The following MMP12 variants were observed in gnomAD, a reference collection of about 807,000 sequenced individuals.
The protein encoded by MMP12 is macrophage metalloelastase.
In MMP12, 51 loss-of-function variants were observed where a neutral mutation model predicts 45.2. The ratio of observed to expected loss-of-function variants is 1.13; its 90% CI spans 0.90 to 1.42. The LOEUF (loss-of-function observed/expected upper bound fraction) is 1.42, where lower values mean the gene tolerates loss of function less well. MMP12 is among the 40% of genes most tolerant of loss of function. The pLI, the probability that MMP12 is intolerant of heterozygous loss-of-function variation, is 0.00. For synonymous variants in MMP12, 210 were observed against 193.3 expected (o/e 1.09, Z -0.72); for missense variants, 530 against 570.8 (o/e 0.93, Z 0.73).
chr11:102,864,669 A>G (rs1307072491), intron 8 of MMP12, among the ~76,000 whole-genome samples: 2 of 152,218 alleles, frequency 1.3e-5, no homozygotes, highest in African/African-American at 4.8e-5. Context: ...CAGGGAACCA[A>G]AGGGTTTTAT....
chr11:102,871,314 A>T (rs1173124997), intron 4 of MMP12, among the ~76,000 whole-genome samples: 1 of 152,122 alleles, frequency 6.6e-6, no homozygotes, highest in Non-Finnish European at 1.5e-5. Context: ...ATGCTAATGA[A>T]CTAGCTCATA....
chr11:102,871,613 G>T lies in MMP12; in HGVS notation c.606C>A (p.Phe202Leu), dbSNP rs782284970. ...GCCCACCTCCTGAATGTGTAGTCCA[G>T]AATTCGTCCTCATCGAAATGTGCAT... is the stretch of plus-strand genomic sequence containing the variant. ...GGDAHFDEDE[F>L]WTTHSGGTNL... The change falls in exon 4 of 10, where the codon TTC becomes TTA. Residue 202 changes from phenylalanine to leucine, a missense_variant. Physicochemically the swap from Phe to Leu is conservative, Grantham distance 22. Coordinates refer to ENST00000571244, the MANE Select transcript of MMP12 (RefSeq NM_002426.6). 1.9e-6 allele frequency: 3 copies of T among 1,556,274 alleles called. No individual in the cohort carries two copies. In the South Asian group the frequency reaches 3.6e-5, roughly 18 times the overall value.
chr11:102,872,859 C>A lies in MMP12; in HGVS notation c.350+6G>T. ...AAAAATACAGGGCGACATACACCAA[C>A]GTTACCTGTAGGTGATATAATGTTT... On this transcript the variant is annotated splice_donor_region_variant and intron_variant, in intron 2 of 9. Transcript: ENST00000571244. 1 of 1,613,410 alleles carries A rather than the reference C, an allele frequency of 6.2e-7. No individual in the cohort carries two copies.
At chr11:102,867,219 A>G in intron 6 of MMP12, 51 bp downstream of exon 6, 1 of 1,471,540 alleles carries the variant, frequency 6.8e-7, no homozygotes, top group African/African-American at 1.4e-5. Context: ...CTGACAAAAA[A>G]AATTTAAAGG....
rs1859503040 is a variant in MMP12, at chr11:102,871,841, T to G, written c.462A>C (p.Thr154=). Reference sequence around the variant, plus strand: ...AAACCACCAAAATGTCAGCCATGCCTGTGTTAATCTTGCTGAATTTCAAGG... The same window carrying G: ...AAACCACCAAAATGTCAGCCATGCCGGTGTTAATCTTGCTGAATTTCAAGG... ...VTPLKFSKIN[T]GMADILVVFA... Residue 154 remains threonine (T), a synonymous_variant, in exon 3 of 10, where the codon ACA becomes ACC. Coordinates refer to ENST00000571244, the MANE Select transcript of MMP12 (RefSeq NM_002426.6). 20 of 1,613,294 alleles carry G rather than the reference T, an allele frequency of 1.2e-5. No homozygotes were observed. The highest frequency in any genetic ancestry group is 1.7e-5 in the Non-Finnish European group (20 of 1,179,678).
intron 7 of MMP12, among the ~76,000 whole-genome samples, 181 bp from the exon 8 acceptor site, chr11:102,866,116 G>C (rs1859382559): frequency 6.6e-6 from 1 of 151,280 alleles, no homozygotes; most frequent in African/African-American, 2.4e-5. Context: ...TTACTATTTT[G>C]TAGTTTACAA....
intron 6 of MMP12, 85 bp from the exon 7 acceptor site, chr11:102,866,533 G>C (rs879947057): frequency 2.2e-6 from 3 of 1,390,206 alleles, no homozygotes; most frequent in African/African-American, 2.9e-5. Context: ...ACTGTGAAAA[G>C]ACCCAATATT....
At chr11:102,863,256 A>C (rs1859325116) in intron 9 of MMP12, 56 bp from the exon 10 acceptor site, 1 of 952,170 alleles carries the variant, frequency 1.1e-6, no homozygotes, top group Non-Finnish European at 1.7e-6. Flanking sequence ...TCTTTACAAC[A>C]ACAACAACAA....
At chr11:102,868,194 T>C (rs782185552) in intron 4 of MMP12, 125 bp from the exon 5 acceptor site, 5 of 880,218 alleles carry the variant, frequency 5.7e-6, no homozygotes, top group African/African-American at 5.1e-5. Context: ...CCCTTTTGAG[T>C]TGGGTTTCTC....
intron 1 of MMP12, among the ~76,000 whole-genome samples, chr11:102,874,086 GT>G (rs1410177689): frequency 6.6e-6 from 1 of 150,382 alleles, no homozygotes; most frequent in Non-Finnish European, 1.5e-5. Flanking sequence ...AATTATTAAT[GT>G]TATTAATATA....
chr11:102,864,421 G>T (rs1859349426), intron 8 of MMP12, among the ~76,000 whole-genome samples, 169 bp from the exon 9 acceptor site: 1 of 152,102 alleles, frequency 6.6e-6, no homozygotes, highest in South Asian at 2.1e-4. Flanking sequence ...GTCCCTATAG[G>T]ACTCAAACCT....
intron 8 of MMP12, among the ~76,000 whole-genome samples, chr11:102,864,796 CTA>C (rs1859356600): frequency 6.6e-6 from 1 of 152,196 alleles, no homozygotes; most frequent in African/African-American, 2.4e-5. Context: ...TTGTGTCTCT[CTA>C]GACTTCCAAG....
Position 102,867,905 on chromosome 11 carries a change from C to T in MMP12, c.787+3G>A. The stretch of plus-strand genomic sequence containing the variant: ...TGGCAAAATGATAAAGAATTCAACT[C>T]ACCATACAGGGACTGAATGCCACGT... On this transcript the variant is annotated splice_donor_region_variant and intron_variant, in intron 5 of 9. Coordinates refer to ENST00000571244, the MANE Select transcript of MMP12 (RefSeq NM_002426.6). 1 of 1,606,618 alleles carries T rather than the reference C, an allele frequency of 6.2e-7. No homozygotes were observed. Among genetic ancestry groups the T allele is most frequent in the Non-Finnish European group, 8.5e-7 (1 of 1,176,526 alleles).
At chr11:102,864,676 T>G (rs542999243) in intron 8 of MMP12, among the ~76,000 whole-genome samples, 40 of 152,332 alleles carry the variant, frequency 2.6e-4, no homozygotes, top group South Asian at 1.9e-3. Context: ...CCAAAGGGTT[T>G]TATACACACG....
At chr11:102,866,279 A>G in intron 7 of MMP12, 36 bp downstream of exon 7, 4 of 1,533,936 alleles carry the variant, frequency 2.6e-6, no homozygotes, top group African/African-American at 1.4e-5. Flanking sequence ...TCTTCCTTGA[A>G]GTAAACTCAA....
At chr11:102,870,856 T>C (rs899566984) in intron 4 of MMP12, among the ~76,000 whole-genome samples, 13 of 152,264 alleles carry the variant, frequency 8.5e-5, no homozygotes, top group African/African-American at 3.1e-4. Context: ...TTGCTCACTA[T>C]GAATCTAAGA....
chr11:102,869,409 C>T, intron 4 of MMP12, among the ~76,000 whole-genome samples: 1 of 152,040 alleles, frequency 6.6e-6, no homozygotes, highest in East Asian at 1.9e-4. Flanking sequence ...TTCTCAATTC[C>T]TATAATATGC....
chr11:102,872,993 T>C lies in MMP12; in HGVS notation c.222A>G (p.Lys74=). The part of the protein sequence containing the change: ...IQEMQHFLGL[K]VTGQLDTSTL... Reference sequence around the variant, plus strand: ...TAGATGTGTCCAGTTGCCCGGTCACTTTCAGACCCAAGAAGTGCTGCATTT... The same window carrying C: ...TAGATGTGTCCAGTTGCCCGGTCACCTTCAGACCCAAGAAGTGCTGCATTT... Residue 74 remains lysine (K), a synonymous_variant, in exon 2 of 10, where the codon AAA becomes AAG. Coordinates refer to ENST00000571244, the MANE Select transcript of MMP12 (RefSeq NM_002426.6). The C allele has an allele frequency of 6.2e-7, 1 of 1,613,684 alleles. No homozygotes were observed.
chr11:102,863,194 T>G lies in MMP12; in HGVS notation c.1319A>C (p.Tyr440Ser), dbSNP rs782780293. The change falls in exon 10 of 10, where the codon TAC (tyrosine) becomes TCC (serine). Residue 440 changes from tyrosine to serine, a missense_variant. Transcript: ENST00000571244. ...DAVFYSKNKY[Y>S]YFFQGSNQFE... ...TTGGTTAGATCCTTGGAAGAAATAG[T>G]AGTATTCTGAAAATGAAAACAAATT... 6.4e-7 allele frequency: 1 copy of G among 1,573,140 alleles called. No individual in the cohort carries two copies. Among genetic ancestry groups the G allele is most frequent in the Non-Finnish European group, 8.7e-7 (1 of 1,147,756 alleles).
Sources: allele counts gnomAD v4.1 joint callset (sites outside exome capture counted in the v4.1 genomes callset), GRCh38; gene constraint gnomAD v4.1.1; transcripts MANE v1.5; gene names NCBI Gene and HGNC (gene_info 2026-07-23, HGNC 2026-07-21).